The following CHUK variants were observed in gnomAD, a reference collection of about 807,000 sequenced individuals.
CHUK encodes inhibitor of nuclear factor kappa-B kinase subunit alpha.
Under a neutral mutation model 104.8 loss-of-function variants are expected in CHUK, and 35 were observed. The ratio of observed to expected loss-of-function variants is 0.33; its 90% confidence interval spans 0.26 to 0.44. The LOEUF (loss-of-function observed/expected upper bound fraction) is 0.44. Among genes scored for constraint, CHUK ranks in the 20% least tolerant of loss-of-function variants. The pLI is 1.00. For synonymous variants in CHUK, 276 were observed against 291.9 expected, an observed-to-expected ratio of 0.95 and a Z score of 0.56; for missense variants, 663 against 902.7, an observed-to-expected ratio of 0.73 and a Z score of 3.40.
At chr10:100,208,791 A>AAAAAAAAT in intron 10 of CHUK, among the ~76,000 whole-genome samples, 1 of 152,016 alleles carries the variant, frequency 6.6e-6, no homozygotes, top group Admixed American at 6.5e-5. Flanking sequence ...CTAAAAAAAA[A>AAAAAAAAT]AAAAACTGGA....
At chr10:100,191,620 T>C (rs545044773) in intron 19 of CHUK, among the ~76,000 whole-genome samples, 1 of 152,352 alleles carries the variant, frequency 6.6e-6, no homozygotes, top group African/African-American at 2.4e-5. Context: ...TTTCCTCTTC[T>C]ATATGGCCTC....
chr10:100,194,861 T>C (rs983693981), intron 16 of CHUK: 1 of 177,156 alleles, frequency 5.6e-6, no homozygotes, highest in African/African-American at 2.4e-5. Context: ...AAGGGAACAA[T>C]TTTTCTTGGA....
In CHUK at chr10:100,196,124, A is replaced by G. The variant is rs1265773369; in HGVS notation, c.1730-1603T>C. On this transcript the variant is annotated intron_variant, in intron 16 of 20. Coordinates refer to ENST00000370397, the MANE Select transcript of CHUK (RefSeq NM_001278.5). ...TGGCCCAGAAATATTGATTAAAGAA[A>G]AAGAATTGGACTTGCTCTATTTGAA... Among the ~76,000 whole-genome samples, 7 of 152,154 alleles carry G rather than the reference A, an allele frequency of 4.6e-5. No individual in the cohort carries two copies. The East Asian group carries it at 1.3e-3, about 29-fold the overall frequency.
chr10:100,198,436 G>A (rs1356082638), intron 16 of CHUK, among the ~76,000 whole-genome samples: 1 of 152,222 alleles, frequency 6.6e-6, no homozygotes, highest in Non-Finnish European at 1.5e-5. Context: ...TTTAAAAACT[G>A]TGACTGCATG....
chr10:100,226,668 T>G (rs1052003822), intron 1 of CHUK, among the ~76,000 whole-genome samples: 1 of 152,230 alleles, frequency 6.6e-6, no homozygotes, highest in African/African-American at 2.4e-5. Flanking sequence ...CTGGCAACAT[T>G]AATAATGCAG....
chr10:100,216,269 A>G (rs1376641886), intron 9 of CHUK, among the ~76,000 whole-genome samples: 3 of 152,206 alleles, frequency 2.0e-5, no homozygotes, highest in Non-Finnish European at 4.4e-5. Flanking sequence ...GCAACACAGA[A>G]CTAAAGCCCT....
intron 9 of CHUK, among the ~76,000 whole-genome samples, chr10:100,216,044 G>A (rs774854551): frequency 5.9e-5 from 9 of 152,194 alleles, no homozygotes; most frequent in Non-Finnish European, 1.0e-4. Context: ...TTGAGATAGA[G>A]AGACATTTGC....
chr10:100,225,670 C>T (rs1213184279), intron 2 of CHUK, among the ~76,000 whole-genome samples: 1 of 152,144 alleles, frequency 6.6e-6, no homozygotes, highest in Non-Finnish European at 1.5e-5. Context: ...TTAGGAATCA[C>T]CGTACTGTTT....
chr10:100,194,401 T>C (rs1240387148), intron 17 of CHUK, 24 bp downstream of exon 17: 1 of 1,511,098 alleles, frequency 6.6e-7, no homozygotes. Flanking sequence ...GGTTTTTCAG[T>C]AGGAAATGAA....
At chr10:100,204,117 G>C (rs1418994444) in intron 13 of CHUK, among the ~76,000 whole-genome samples, 7 of 152,232 alleles carry the variant, frequency 4.6e-5, no homozygotes, top group African/African-American at 1.7e-4. Flanking sequence ...CTTCCCAAAG[G>C]CTCCACCTAC....
intron 1 of CHUK, among the ~76,000 whole-genome samples, chr10:100,228,800 A>G (rs1346844623): frequency 2.0e-5 from 3 of 152,012 alleles, no homozygotes; most frequent in African/African-American, 7.3e-5. Context: ...ATCTCCATCT[A>G]CTAATATAGC....
At chr10:100,206,907 A>G (rs1384722219) in intron 11 of CHUK, among the ~76,000 whole-genome samples, 1 of 152,216 alleles carries the variant, frequency 6.6e-6, no homozygotes, top group African/African-American at 2.4e-5. Flanking sequence ...GAAAAATGAA[A>G]TAAATACTTG....
At chr10:100,217,238 T>C (rs527595352) in intron 9 of CHUK, among the ~76,000 whole-genome samples, 2 of 148,688 alleles carry the variant, frequency 1.3e-5, no homozygotes, top group African/African-American at 5.1e-5. Context: ...CAGATCAGTT[T>C]ACACTTGACT....
downstream of CHUK, chr10:100,187,660 G>C (rs1236063306): frequency 6.6e-6 from 1 of 152,134 alleles, no homozygotes; most frequent in Non-Finnish European, 1.5e-5. Flanking sequence ...TGCATCAAAA[G>C]CAAGTTTGGG....
At chr10:100,226,964 A>G (rs929410215) in intron 1 of CHUK, among the ~76,000 whole-genome samples, 5 of 152,214 alleles carry the variant, frequency 3.3e-5, no homozygotes, top group African/African-American at 1.2e-4. Context: ...GGAAACTAGG[A>G]TAGACTGCAT....
intron 10 of CHUK, 152 bp from the exon 11 acceptor site, chr10:100,207,484 AC>A (rs1845615731): frequency 1.2e-5 from 7 of 596,202 alleles, no homozygotes; most frequent in Non-Finnish European, 1.8e-5. Context: ...CAGAGTCCAA[AC>A]TTTTGTTGAG....
chr10:100,204,118 C>T (rs1298620322), intron 13 of CHUK, among the ~76,000 whole-genome samples: 1 of 152,182 alleles, frequency 6.6e-6, no homozygotes, highest in Non-Finnish European at 1.5e-5. Flanking sequence ...TTCCCAAAGG[C>T]TCCACCTACC....
intron 18 of CHUK, 193 bp downstream of exon 18, chr10:100,193,791 T>C (rs1163722821): frequency 1.6e-6 from 1 of 633,064 alleles, no homozygotes; most frequent in Middle Eastern, 4.2e-4. Context: ...AACAGAGAAA[T>C]TGGAAAGGAG....
intron 11 of CHUK, among the ~76,000 whole-genome samples, chr10:100,206,430 CT>C (rs930019664): frequency 2.6e-5 from 4 of 151,520 alleles, no homozygotes; most frequent in African/African-American, 9.7e-5. Context: ...TATATGAGAA[CT>C]CTGTACTATC....
Sources: gnomAD v4.1 joint callset for allele counts (sites outside exome capture counted in the v4.1 genomes callset) on GRCh38, gnomAD v4.1.1 for gene constraint, MANE v1.5 for transcripts, NCBI Gene and HGNC (gene_info 2026-07-23, HGNC 2026-07-21) for gene names.